The following GCNT4 variants were observed in gnomAD, a reference collection of about 807,000 sequenced individuals.
GCNT4 encodes beta-1,3-galactosyl-O-glycosyl-glycoprotein beta-1,6-N-acetylglucosaminyltransferase 4.
In GCNT4, 17 loss-of-function variants were observed where a neutral mutation model predicts 31.3. The ratio of observed to expected loss-of-function variants is 0.54; its 90% CI spans 0.37 to 0.81. GCNT4 has a LOEUF of 0.81. Among genes scored for constraint, GCNT4 ranks in the 40% least tolerant of loss-of-function variants. The pLI is 0.00. For missense variants in GCNT4, 503 were observed against 525.5 expected (o/e 0.96, Z 0.42); for synonymous variants, 158 against 190.6 (o/e 0.83, Z 1.41).
chr5:75,043,867 C>T (rs750043457), intron 3 of GCNT4, among the ~76,000 whole-genome samples: 14 of 152,332 alleles, frequency 9.2e-5, no homozygotes, highest in Middle Eastern at 3.4e-3. Context: ...ACAGTACATT[C>T]CTATATATAG....
chr5:75,032,595 T>C (rs1022917088), intron 3 of GCNT4, among the ~76,000 whole-genome samples: 1 of 152,210 alleles, frequency 6.6e-6, no homozygotes, highest in African/African-American at 2.4e-5. Flanking sequence ...ACAGCATCTT[T>C]GCTGCATCAG....
upstream of GCNT4, among the ~76,000 whole-genome samples, chr5:75,053,045 C>CCCGCGAGCCCAGGAAGCCGGCT (rs1161374297): frequency 1.3e-5 from 2 of 152,004 alleles, no homozygotes; most frequent in African/African-American, 2.4e-5. Context: ...CTCCACTCCG[C>CCCGCGAGCCCAGGAAGCCGGCT]CCGCGAGCCC....
At chr5:75,044,195 T>TCAA (rs1743386442) in intron 3 of GCNT4, among the ~76,000 whole-genome samples, 1 of 152,078 alleles carries the variant, frequency 6.6e-6, no homozygotes, top group East Asian at 1.9e-4. Context: ...AACCAGCTTT[T>TCAA]CAACAAATAG....
Position 75,028,741 on chromosome 5 carries a change from TCTG to T in GCNT4, c.1294_1296del (p.Gln432del), listed in dbSNP as rs1248844600. ...TCTGAGGGCAAAGTGATCCAGTCTC[TCTG>T]CTGTTCTTCAAGCTTTTCTGCCAAG... On this transcript the variant is annotated inframe_deletion, in exon 4 of 4. Transcript: ENST00000652361. 4 of 1,613,908 alleles carry T rather than the reference TCTG, an allele frequency of 2.5e-6. No individual in the cohort carries two copies. The highest frequency in any genetic ancestry group is 1.7e-5 in the Admixed American group (1 of 59,996).
At chr5:75,022,097 C>T (rs1411780409), downstream of GCNT4, among the ~76,000 whole-genome samples, 1 of 152,144 alleles carries the variant, frequency 6.6e-6, no homozygotes, top group Non-Finnish European at 1.5e-5. Flanking sequence ...CACTAGCATA[C>T]ATCTTTGTTT....
At chr5:75,023,624 C>T (rs187798092), downstream of GCNT4, among the ~76,000 whole-genome samples, 15 of 152,122 alleles carry the variant, frequency 9.9e-5, no homozygotes, top group East Asian at 2.9e-3. Context: ...CATGTAGCAA[C>T]ATGGCAGAGT....
intron 3 of GCNT4, among the ~76,000 whole-genome samples, chr5:75,044,591 G>T (rs192407531): frequency 4.6e-5 from 7 of 152,146 alleles, no homozygotes; most frequent in Non-Finnish European, 1.0e-4. Flanking sequence ...GATGGTAAGG[G>T]ATCAAAAGCA....
At chr5:75,039,852 T>C (rs899329161) in intron 3 of GCNT4, among the ~76,000 whole-genome samples, 1 of 152,114 alleles carries the variant, frequency 6.6e-6, no homozygotes, top group Non-Finnish European at 1.5e-5. Context: ...TCAGATCACT[T>C]CCCCTCCCTA....
chr5:75,047,894 T>C lies in GCNT4; in HGVS notation c.-2+3A>G, dbSNP rs745539500. ...ATCTGACTATAAATAAACTGAAACT[T>C]ACCTTTGTGTCACCTCCAAAGAAAA... On this transcript the variant is annotated splice_donor_region_variant and intron_variant, in intron 3 of 3. Transcript: ENST00000652361. 1.3e-5 allele frequency: 2 copies of C among 152,074 alleles called. No individual in the cohort carries two copies. Among genetic ancestry groups the C allele is most frequent in the Non-Finnish European group, 2.9e-5 (2 of 68,028 alleles). The allele number at this position is 152,074 out of a possible 1,614,324, so 9.4% of individuals were successfully genotyped here.
intron 2 of GCNT4, among the ~76,000 whole-genome samples, chr5:75,050,075 AGCTTGG>A (rs1743534189): frequency 1.3e-5 from 2 of 152,242 alleles, no homozygotes; most frequent in South Asian, 4.1e-4. Flanking sequence ...AATGTCAGGA[AGCTTGG>A]GCCTGGTCCT....
chr5:75,052,328 G>A (rs530748299), intron 1 of GCNT4, 101 bp from the exon 2 acceptor site: 197 of 151,990 alleles, frequency 1.3e-3, no homozygotes, highest in African/African-American at 4.5e-3. Context: ...TGCCCAACGA[G>A]GGGACAATAC....
downstream of GCNT4, among the ~76,000 whole-genome samples, chr5:75,023,534 A>T (rs4637529): frequency 0.051 from 7,726 of 152,186 alleles, 637 homozygotes; most frequent in African/African-American, 0.17. Context: ...AAAAAAAAAA[A>T]GTAGTTTACA....
At chr5:75,053,263 G>A (rs1330146285), upstream of GCNT4, among the ~76,000 whole-genome samples, 4 of 151,934 alleles carry the variant, frequency 2.6e-5, no homozygotes, top group South Asian at 6.2e-4. Flanking sequence ...TCCGCCGCGC[G>A]CTCTGGTGGC....
intron 3 of GCNT4, among the ~76,000 whole-genome samples, chr5:75,043,698 T>C (rs953576499): frequency 1.3e-5 from 2 of 152,206 alleles, no homozygotes; most frequent in African/African-American, 4.8e-5. Flanking sequence ...AACACCCACT[T>C]TGAATTCCTG....
At chr5:75,040,540 T>C (rs987775639) in intron 3 of GCNT4, among the ~76,000 whole-genome samples, 4 of 152,230 alleles carry the variant, frequency 2.6e-5, no homozygotes, top group African/African-American at 7.2e-5. Flanking sequence ...GCATATCACT[T>C]AATCTTGGCA....
At chr5:75,019,377 A>C in the GCNT4 span, among the ~76,000 whole-genome samples, 2 of 152,236 alleles carry the variant, frequency 1.3e-5, no homozygotes, top group African/African-American at 4.8e-5. Flanking sequence ...CCTGTGGTGC[A>C]TTTGTTACAG....
intron 3 of GCNT4, among the ~76,000 whole-genome samples, chr5:75,046,104 G>GT (rs1175082142): frequency 6.6e-6 from 1 of 152,008 alleles, no homozygotes; most frequent in Non-Finnish European, 1.5e-5. Context: ...TTCCATTAAT[G>GT]TTTTTTTCAC....
At chr5:75,038,515 T>C (rs189663830) in intron 3 of GCNT4, among the ~76,000 whole-genome samples, 60 of 152,344 alleles carry the variant, frequency 3.9e-4, no homozygotes, top group African/African-American at 1.3e-3. Context: ...TTAGAAACGA[T>C]AGGCTTTTAT....
At position 75,037,875 on chromosome 5, in the gene GCNT4, AAAAAAACAAAAACAAAAC is replaced by A. The variant is rs1341110414; in HGVS notation, c.-1-7855_-1-7838del. 2.3e-4 allele frequency among the ~76,000 whole-genome samples: 35 copies of A among 151,942 alleles called. 1 individual carries two copies. Among genetic ancestry groups the A allele is most frequent in the African/African-American group, 8.0e-4 (33 of 41,470 alleles). On this transcript the variant is annotated intron_variant, in intron 3 of 3. Coordinates refer to ENST00000652361, the MANE Select transcript of GCNT4 (RefSeq NM_001366737.1). ...CCTGGGCAAGGCAAGATTCAGTCTC[AAAAAAACAAAAACAAAAC>A]AAAAAACAAAAAAAACAAAAAACAG...
Sources: allele counts gnomAD v4.1 joint callset (sites outside exome capture counted in the v4.1 genomes callset), GRCh38; gene constraint gnomAD v4.1.1; transcripts MANE v1.5; gene names NCBI Gene and HGNC (gene_info 2026-07-23, HGNC 2026-07-21).